The following IL17RC variants were observed in gnomAD, a reference collection of about 807,000 sequenced individuals.
The protein encoded by IL17RC is interleukin 17 receptor C.
A neutral mutation model predicts 86.7 loss-of-function variants in IL17RC; 53 were observed. The observed-to-expected ratio is 0.61, with a 90% CI of 0.49 to 0.77. IL17RC has a LOEUF of 0.77. Ranked by LOEUF, IL17RC falls within the 30% of genes least tolerant of loss-of-function variation. IL17RC has a pLI of 0.00. For synonymous variants in IL17RC, 439 were observed against 413.1 expected (o/e 1.06, Z -0.76); for missense variants, 957 against 940.0 (o/e 1.02, Z -0.24).
chr3:9,921,057 A>G lies in IL17RC; in HGVS notation c.622+88A>G, dbSNP rs973915728. On this transcript the variant is annotated intron_variant, in intron 7 of 18. Transcript: ENST00000403601. ...TTGGAGTCCACTTCAGATATGGGCT[A>G]CCACATCTCAGAAGCTCACAGAACA... is the stretch of plus-strand genomic sequence containing the variant. 186 of 736,744 alleles carry G rather than the reference A, an allele frequency of 2.5e-4. 2 individuals are homozygous for G. Among genetic ancestry groups the G allele is most frequent in the Non-Finnish European group, 9.8e-5 (44 of 446,888 alleles). The allele number at this position is 736,744 out of a possible 1,614,324, so 45.6% of individuals were successfully genotyped here. A position where few individuals can be genotyped will look rare whatever the true frequency, so the allele number is the denominator to read the frequency against.
chr3:9,924,020 G>A lies in IL17RC; in HGVS notation c.762G>A (p.Leu254=), dbSNP rs761896296. The A allele has an allele frequency of 2.9e-5, 46 of 1,613,536 alleles. No individual in the cohort carries two copies. Among genetic ancestry groups the A allele is most frequent in the Non-Finnish European group, 3.8e-5 (45 of 1,180,032 alleles). Residue 254 remains leucine (L), a splice_region_variant and synonymous_variant, in exon 8 of 19, where the codon CTG becomes CTA. Transcript: ENST00000403601. The stretch of plus-strand genomic sequence containing the variant: ...CAAAACCCCGGTGGCACAAAAACCT[G>A]GTGAGGCCTCCCCCTTCCCAAGTCC... ...GPPKPRWHKN[L]TGPQIITLNH...
chr3:9,917,819 C>T (rs2083219605), intron 2 of IL17RC, 85 bp downstream of exon 2: 1 of 1,607,640 alleles, frequency 6.2e-7, no homozygotes, highest in South Asian at 1.1e-5. Flanking sequence ...CCATGCCCAC[C>T]TCAGCCTAGG....
At chr3:9,922,833 G>A (rs1278271504) in intron 7 of IL17RC, among the ~76,000 whole-genome samples, 3 of 152,048 alleles carry the variant, frequency 2.0e-5, no homozygotes, top group Admixed American at 2.0e-4. Flanking sequence ...AGAGAGAATA[G>A]CCAGCAAAAA....
intron 12 of IL17RC, 148 bp from the exon 13 acceptor site, chr3:9,929,704 C>G: frequency 2.5e-6 from 2 of 803,512 alleles, no homozygotes; most frequent in South Asian, 2.9e-5. Flanking sequence ...GATTCCTAAT[C>G]ACCCAGCCTT....
intron 12 of IL17RC, chr3:9,929,270 C>T (rs1009998229): frequency 9.1e-5 from 14 of 153,996 alleles, no homozygotes; most frequent in African/African-American, 3.2e-4. Flanking sequence ...GCTGAGAGGG[C>T]GCCACTGCAC....
At chr3:9,917,450 A>C in intron 1 of IL17RC, 30 bp downstream of exon 1, 1 of 1,614,174 alleles carries the variant, frequency 6.2e-7, no homozygotes, top group Non-Finnish European at 8.5e-7. Flanking sequence ...GAGACGAGGA[A>C]AGGCTCAGGG....
chr3:9,924,227 CACAG>C lies in IL17RC; in HGVS notation c.763-2_764del, dbSNP rs755012426. On this transcript the variant is annotated splice_acceptor_variant and splice_polypyrimidine_tract_variant and intron_variant, in intron 8 of 18. Transcript: ENST00000403601. LOFTEE classifies it high-confidence loss of function. ...TCCAACCTCCTTCCTTTATTTGTTC[CACAG>C]ACTGGACCGCAGATCATTACCTTGA... is the stretch of plus-strand genomic sequence containing the variant. The C allele has an allele frequency of 1.2e-6, 2 of 1,614,110 alleles. No individual in the cohort carries two copies. The highest frequency in any genetic ancestry group is 2.2e-5 in the South Asian group (2 of 91,070).
At chr3:9,929,783 C>T (rs2084478379) in intron 12 of IL17RC, 69 bp from the exon 13 acceptor site, 1 of 1,564,384 alleles carries the variant, frequency 6.4e-7, no homozygotes, top group Admixed American at 1.7e-5. Flanking sequence ...GTTGCCTGCC[C>T]CATTCTGGTC....
At position 9,930,354 on chromosome 3, in the gene IL17RC, G is replaced by A; in HGVS notation, c.1279-46G>A. The A allele has an allele frequency of 1.2e-6, 2 of 1,605,964 alleles. No individual in the cohort carries two copies. Among genetic ancestry groups the A allele is most frequent in the Non-Finnish European group, 1.7e-6 (2 of 1,172,936 alleles). The stretch of plus-strand genomic sequence containing the variant: ...TGTAGCCTGGTAGGTGCTGCCCTAA[G>A]GGTGCTACCTCCAGGTAACAGTGCC... On this transcript the variant is annotated intron_variant, in intron 14 of 18. Transcript: ENST00000403601. This position sits in a 1 kb window ranked among gnomAD's most constrained non-coding sequence, Gnocchi z 5.8.
At position 9,917,904 on chromosome 3, in the gene IL17RC, C is replaced by T; in HGVS notation, c.128-19C>T. On this transcript the variant is annotated intron_variant, in intron 2 of 18. Coordinates refer to ENST00000403601, the MANE Select transcript of IL17RC (RefSeq NM_153460.4). ...GGGCTTGGAACAGCTTCAGCTCCCA[C>T]CCGCTCCTCCACACACAGACAGTGA... 1.2e-6 allele frequency: 2 copies of T among 1,612,944 alleles called. No individual in the cohort carries two copies. The highest frequency in any genetic ancestry group is 1.3e-5 in the African/African-American group (1 of 75,040).
intron 9 of IL17RC, among the ~76,000 whole-genome samples, chr3:9,926,727 A>G (rs2084116776): frequency 6.6e-6 from 1 of 151,962 alleles, no homozygotes; most frequent in Non-Finnish European, 1.5e-5. Flanking sequence ...GATTCAAGCA[A>G]TTCTTCTGCC....
At chr3:9,918,160 T>C (rs2125123957) in intron 3 of IL17RC, 85 bp downstream of exon 3, 1 of 1,443,752 alleles carries the variant, frequency 6.9e-7, no homozygotes, top group South Asian at 1.3e-5. Context: ...TCTCAAGCAG[T>C]GCTAGGCATC....
chr3:9,921,625 T>G (rs1466771783), intron 7 of IL17RC, among the ~76,000 whole-genome samples: 1 of 29,828 alleles, frequency 3.4e-5, no homozygotes, highest in African/African-American at 1.5e-4. Context: ...ACTGATTTTC[T>G]TTTTTTTTTT....
intron 9 of IL17RC, 53 bp from the exon 10 acceptor site, chr3:9,928,113 G>A (rs2125248030): frequency 1.3e-6 from 2 of 1,564,818 alleles, no homozygotes; most frequent in Admixed American, 1.7e-5. Flanking sequence ...CCAGCAGAGG[G>A]CCAGGCACAT....
intron 8 of IL17RC, 100 bp downstream of exon 8, chr3:9,924,120 C>T: frequency 6.2e-7 from 1 of 1,608,686 alleles, no homozygotes; most frequent in Non-Finnish European, 8.5e-7. Flanking sequence ...AGGACTCACC[C>T]CAAGCAAGGG....
chr3:9,932,485 C>G (rs1381247820), intron 16 of IL17RC, 123 bp from the exon 17 acceptor site: 1 of 908,624 alleles, frequency 1.1e-6, no homozygotes, highest in Non-Finnish European at 1.8e-6. Flanking sequence ...CTCGGCCTCC[C>G]GAAGTGCTGG....
chr3:9,924,423 G>A, intron 9 of IL17RC, 132 bp downstream of exon 9: 1 of 869,432 alleles, frequency 1.2e-6, no homozygotes, highest in Non-Finnish European at 1.8e-6. Flanking sequence ...TGGGGTGGCT[G>A]GCCCTCCCTT....
At chr3:9,924,903 G>T (rs1173766027) in intron 9 of IL17RC, among the ~76,000 whole-genome samples, 19 of 152,110 alleles carry the variant, frequency 1.2e-4, no homozygotes, top group Admixed American at 1.2e-3. Context: ...ATGGGCTCAA[G>T]TGATCCTCCT....
intron 7 of IL17RC, among the ~76,000 whole-genome samples, chr3:9,922,262 A>G (rs1306201798): frequency 6.6e-6 from 1 of 152,188 alleles, no homozygotes; most frequent in Non-Finnish European, 1.5e-5. Context: ...ATTTGTTTTT[A>G]TATATGTATA....
Sources: gnomAD v4.1 joint callset for allele counts (sites outside exome capture counted in the v4.1 genomes callset) on GRCh38, gnomAD v4.1.1 for gene constraint, Gnocchi (gnomAD v3.1) non-coding constraint, MANE v1.5 for transcripts, NCBI Gene and HGNC (gene_info 2026-07-23, HGNC 2026-07-21) for gene names.